PECAM1: variants seen among roughly 807,000 people sequenced by gnomAD.
The protein encoded by PECAM1 is platelet and endothelial cell adhesion molecule 1.
Under a neutral mutation model 13.8 loss-of-function variants are expected in PECAM1, and 8 were observed. The observed-to-expected ratio is 0.58, with a 90% CI of 0.34 to 1.05. The LOEUF (loss-of-function observed/expected upper bound fraction) is 1.05. PECAM1 is among the 50% of genes least tolerant of loss of function. The pLI, the probability that PECAM1 is intolerant of heterozygous loss-of-function variation, is 0.03. For synonymous variants in PECAM1, 136 were observed against 52.6 expected, an observed-to-expected ratio of 2.58 and a Z score of -6.86; for missense variants, 304 against 141.2, an observed-to-expected ratio of 2.15 and a Z score of -5.84.
chr17:64,341,574 G>A (rs928689542), intron 14 of PECAM1, 60 bp downstream of exon 14: 6 of 419,460 alleles, frequency 1.4e-5, no homozygotes, highest in African/African-American at 6.1e-5. Context: ...CACTCCCAAG[G>A]CCCCATCAGT....
chr17:64,327,724 C>G (rs1261987956), intron 15 of PECAM1, among the ~76,000 whole-genome samples: 1 of 152,182 alleles, frequency 6.6e-6, no homozygotes, highest in African/African-American at 2.4e-5. Context: ...AAAATGAAGT[C>G]AGAATGTGCC....
chr17:64,338,606 G>A (rs35863806), intron 14 of PECAM1, among the ~76,000 whole-genome samples: 5,947 of 152,204 alleles, frequency 0.039, 152 homozygotes, highest in Non-Finnish European at 0.06. Context: ...TGCCCAGGCT[G>A]GAGTGCAATA....
intron 9 of PECAM1, among the ~76,000 whole-genome samples, chr17:64,354,610 C>T (rs984907795): frequency 6.6e-6 from 1 of 152,184 alleles, no homozygotes; most frequent in Non-Finnish European, 1.5e-5. Flanking sequence ...CACAGCACAA[C>T]CACCAGGTTA....
chr17:64,365,088 A>C (rs1277418476), intron 5 of PECAM1, among the ~76,000 whole-genome samples: 1 of 151,722 alleles, frequency 6.6e-6, no homozygotes, highest in South Asian at 2.1e-4. Flanking sequence ...GTCTCAGCCC[A>C]AAATCTCCTT....
rs1443442069 is a variant in PECAM1 at position 64,360,124 on chromosome 17, C to T, written c.1492+16G>A. Reference sequence around the variant, plus strand: ...CCCAAGCCCACATGATTTCTTCTCACAGCACAGCAACTTACCTATCACCTT... The same window carrying T: ...CCCAAGCCCACATGATTTCTTCTCATAGCACAGCAACTTACCTATCACCTT... On this transcript the variant is annotated intron_variant, in intron 7 of 15. Transcript: ENST00000563924. The T allele has an allele frequency of 2.1e-6, 1 of 475,392 alleles. No homozygotes were observed. Among genetic ancestry groups the T allele is most frequent in the Non-Finnish European group, 3.9e-6 (1 of 259,064 alleles). 29.4% of individuals were successfully genotyped at this position (475,392 alleles called of 1,614,324 possible). A position where few individuals can be genotyped will look rare whatever the true frequency, so the allele number is the denominator to read the frequency against.
chr17:64,389,768 C>T (rs2036675798), intron 2 of PECAM1, among the ~76,000 whole-genome samples: 1 of 152,112 alleles, frequency 6.6e-6, no homozygotes, highest in Non-Finnish European at 1.5e-5. Flanking sequence ...AAATGTGAGG[C>T]CGGGCGCGGT....
intron 5 of PECAM1, among the ~76,000 whole-genome samples, chr17:64,367,641 G>A (rs2036141546): frequency 6.6e-6 from 1 of 151,998 alleles, no homozygotes; most frequent in East Asian, 1.9e-4. Context: ...TCCAGGGAAA[G>A]TATCTGAGAC....
intron 12 of PECAM1, 53 bp downstream of exon 12, chr17:64,350,326 CT>C (rs1239824948): frequency 4.9e-5 from 20 of 406,062 alleles, no homozygotes; most frequent in South Asian, 2.7e-4. Context: ...TCCTATGAGT[CT>C]TTTTTTTAAT....
chr17:64,368,931 CTTTTTTTTTTTT>C (rs1176037024), intron 5 of PECAM1, among the ~76,000 whole-genome samples: 1 of 75,074 alleles, frequency 1.3e-5, no homozygotes, highest in Non-Finnish European at 2.2e-5. Context: ...ATTGTCATTT[CTTTTTTTTTTTT>C]TTTTTTTTTT....
At chr17:64,336,403 A>G (rs1339018479) in intron 14 of PECAM1, among the ~76,000 whole-genome samples, 1 of 152,186 alleles carries the variant, frequency 6.6e-6, no homozygotes, top group Non-Finnish European at 1.5e-5. Context: ...TGCTGGCTGA[A>G]GGATCTGGCT....
At chr17:64,375,502 C>A in intron 3 of PECAM1, 146 bp from the exon 4 acceptor site, 1 of 397,650 alleles carries the variant, frequency 2.5e-6, no homozygotes. Context: ...TCTGAACACC[C>A]AGTGCGACCT....
chr17:64,361,701 C>T (rs28734121), intron 6 of PECAM1, among the ~76,000 whole-genome samples: 2,458 of 127,082 alleles, frequency 0.019, 58 homozygotes, highest in African/African-American at 0.067. Flanking sequence ...TGCAGTGAGC[C>T]GAGATCATGT....
intron 2 of PECAM1, among the ~76,000 whole-genome samples, chr17:64,389,615 G>A (rs1449825363): frequency 2.6e-5 from 4 of 152,094 alleles, no homozygotes; most frequent in Non-Finnish European, 5.9e-5. Context: ...TATCTCATTT[G>A]CAAATAAAAA....
At chr17:64,364,133 A>T (rs2143824365) in intron 5 of PECAM1, among the ~76,000 whole-genome samples, 1 of 152,318 alleles carries the variant, frequency 6.6e-6, no homozygotes, top group East Asian at 1.9e-4. Flanking sequence ...AAAAAATGAT[A>T]AAGGGGATAT....
At chr17:64,381,717 T>C (rs1337665404) in intron 2 of PECAM1, among the ~76,000 whole-genome samples, 3 of 152,192 alleles carry the variant, frequency 2.0e-5, no homozygotes, top group Non-Finnish European at 4.4e-5. Context: ...TCCCACAGCA[T>C]TACTCTTTGG....
intron 4 of PECAM1, among the ~76,000 whole-genome samples, chr17:64,373,669 T>A (rs1462939378): frequency 5.9e-5 from 9 of 152,074 alleles, no homozygotes; most frequent in African/African-American, 2.2e-4. Flanking sequence ...ATACTTTATA[T>A]CCTGCTCTTT....
At chr17:64,384,158 G>A (rs1477478203) in intron 2 of PECAM1, among the ~76,000 whole-genome samples, 3 of 152,054 alleles carry the variant, frequency 2.0e-5, no homozygotes, top group East Asian at 1.9e-4. Context: ...AACAATAAAC[G>A]AACTCAATGG....
At chr17:64,384,332 A>G (rs886076061) in intron 2 of PECAM1, among the ~76,000 whole-genome samples, 4 of 151,892 alleles carry the variant, frequency 2.6e-5, no homozygotes, top group Non-Finnish European at 4.4e-5. Flanking sequence ...AAAAACAGTG[A>G]CCTAGTTTTT....
At chr17:64,361,803 G>T (rs1311828667) in intron 6 of PECAM1, among the ~76,000 whole-genome samples, 9 of 146,374 alleles carry the variant, frequency 6.1e-5, no homozygotes, top group African/African-American at 1.0e-4. Flanking sequence ...TAGTGCTTCA[G>T]CCTCTTAACA....
Sources: allele counts gnomAD v4.1 joint callset (sites outside exome capture counted in the v4.1 genomes callset), GRCh38; gene constraint gnomAD v4.1.1; transcripts MANE v1.5; gene names NCBI Gene and HGNC (gene_info 2026-07-23, HGNC 2026-07-21).